KCNQ5: variants seen among roughly 807,000 people sequenced by gnomAD.
KCNQ5 encodes the protein potassium voltage-gated channel subfamily Q member 5.
Under a neutral mutation model 98.2 loss-of-function variants are expected in KCNQ5, and 30 were observed. The ratio of observed to expected loss-of-function variants is 0.31; its 90% confidence interval spans 0.23 to 0.41. KCNQ5 has a LOEUF of 0.41. Among genes scored for constraint, KCNQ5 ranks in the 10% least tolerant of loss-of-function variants. The pLI, the probability that KCNQ5 is intolerant of heterozygous loss-of-function variation, is 1.00. For missense variants in KCNQ5, 835 were observed against 1,182.5 expected, an observed-to-expected ratio of 0.71 and a Z score of 4.31; for synonymous variants, 458 against 449.4, an observed-to-expected ratio of 1.02 and a Z score of -0.24.
intron 1 of KCNQ5, among the ~76,000 whole-genome samples, chr6:72,659,684 C>T (rs561688281): frequency 4.6e-5 from 7 of 152,282 alleles, no homozygotes; most frequent in African/African-American, 1.7e-4. Flanking sequence ...TTCATAAGGT[C>T]ACTGAATCTT....
At chr6:73,153,054 C>T (rs1307316045) in intron 10 of KCNQ5, among the ~76,000 whole-genome samples, 1 of 152,100 alleles carries the variant, frequency 6.6e-6, no homozygotes, top group Non-Finnish European at 1.5e-5. Context: ...ACCATATGCC[C>T]AGGAGTCTGG....
chr6:72,830,288 C>G (rs1178547059), intron 1 of KCNQ5, among the ~76,000 whole-genome samples: 1 of 152,082 alleles, frequency 6.6e-6, no homozygotes, highest in Non-Finnish European at 1.5e-5. Context: ...CAATCCTAAG[C>G]CAAAAGAACA....
intron 1 of KCNQ5, among the ~76,000 whole-genome samples, chr6:72,683,282 A>C (rs1312284378): frequency 6.6e-6 from 1 of 151,924 alleles, no homozygotes; most frequent in African/African-American, 2.4e-5. Context: ...AGGAGGGAGA[A>C]ATCAGCACAC....
At chr6:72,954,026 T>A (rs1766930594) in intron 1 of KCNQ5, among the ~76,000 whole-genome samples, 1 of 152,190 alleles carries the variant, frequency 6.6e-6, no homozygotes, top group African/African-American at 2.4e-5. Context: ...CAAAAGGCTC[T>A]TGATACTTAA....
intron 11 of KCNQ5, among the ~76,000 whole-genome samples, chr6:73,175,076 C>G (rs754879311): frequency 1.3e-5 from 2 of 152,116 alleles, no homozygotes; most frequent in Non-Finnish European, 2.9e-5. Context: ...TCTCCTTCAC[C>G]TGGAAGCACT....
At chr6:73,052,792 A>C (rs1772303341) in intron 3 of KCNQ5, among the ~76,000 whole-genome samples, 1 of 152,254 alleles carries the variant, frequency 6.6e-6, no homozygotes, top group South Asian at 2.1e-4. Context: ...AACGTGCTTA[A>C]GTACACACAC....
intron 2 of KCNQ5, among the ~76,000 whole-genome samples, chr6:73,015,084 C>T (rs1201164964): frequency 3.3e-5 from 5 of 151,938 alleles, no homozygotes; most frequent in East Asian, 1.9e-4. Flanking sequence ...AGAATCCATT[C>T]GAGGATATTA....
At chr6:73,034,995 G>T (rs918260719) in intron 2 of KCNQ5, among the ~76,000 whole-genome samples, 1 of 150,048 alleles carries the variant, frequency 6.7e-6, no homozygotes, top group Non-Finnish European at 1.5e-5. Context: ...ACAGGCGCCC[G>T]CCACCACACC....
In KCNQ5 at chr6:72,820,817, C is replaced by G. The variant is rs140970168; in HGVS notation, c.399-183091C>G. Among the ~76,000 whole-genome samples the G allele has an allele frequency of 2.0e-5, 3 of 152,196 alleles. No individual in the cohort carries two copies. In the South Asian group the frequency reaches 6.2e-4, roughly 32 times the overall value. On this transcript the variant is annotated intron_variant, in intron 1 of 13. Coordinates refer to ENST00000370398, the MANE Select transcript of KCNQ5 (RefSeq NM_019842.4). ...AGCCTCAAAGCCATAACAACACATA[C>G]GGTGTTTATGAATTTAGGATTTTAC...
chr6:72,715,394 A>G (rs1261856883), intron 1 of KCNQ5, among the ~76,000 whole-genome samples: 3 of 152,192 alleles, frequency 2.0e-5, no homozygotes, highest in African/African-American at 7.2e-5. Context: ...TACCTTGCAA[A>G]CTTTGGCTGC....
At chr6:73,096,000 G>A (rs2150409757) in intron 5 of KCNQ5, among the ~76,000 whole-genome samples, 1 of 152,286 alleles carries the variant, frequency 6.6e-6, no homozygotes, top group African/African-American at 2.4e-5. Flanking sequence ...ACAAGATGAG[G>A]TCCCACAACA....
At chr6:72,758,124 C>T (rs982888833) in intron 1 of KCNQ5, among the ~76,000 whole-genome samples, 1 of 151,920 alleles carries the variant, frequency 6.6e-6, no homozygotes, top group Admixed American at 6.6e-5. Context: ...AGATGGAGAT[C>T]ATTGGAGGAG....
intron 1 of KCNQ5, among the ~76,000 whole-genome samples, chr6:72,719,180 G>A (rs533589036): frequency 2.7e-4 from 41 of 152,276 alleles, no homozygotes; most frequent in African/African-American, 6.5e-4. Flanking sequence ...CTGAATTCCC[G>A]TTCAGATATT....
intron 8 of KCNQ5, among the ~76,000 whole-genome samples, chr6:73,122,207 GCTAGGTA>G (rs1775776387): frequency 6.6e-6 from 1 of 152,164 alleles, no homozygotes. Flanking sequence ...CATGAAGTTT[GCTAGGTA>G]AATGTAAAAA....
intron 1 of KCNQ5, among the ~76,000 whole-genome samples, chr6:72,864,907 T>C (rs2796002): frequency 0.99 from 150,980 of 152,338 alleles, 74,833 homozygotes; most frequent in East Asian, 1. Flanking sequence ...ATTTCAAGGA[T>C]ATGGGAAAAC....
chr6:72,854,129 A>T (rs1436532681), intron 1 of KCNQ5, among the ~76,000 whole-genome samples: 1 of 152,144 alleles, frequency 6.6e-6, no homozygotes. Context: ...ATGCAACATT[A>T]CCTTTGAGAT....
At position 72,978,803 on chromosome 6, in the gene KCNQ5, T is replaced by A. The variant is rs1257499585; in HGVS notation, c.399-25105T>A. On this transcript the variant is annotated intron_variant, in intron 1 of 13. Transcript: ENST00000370398. ...TTAACTCGTCATTTACATTACATAT[T>A]TCTCCTAATGCTATCCCTCCCCCAT... is the stretch of plus-strand genomic sequence containing the variant. Among the ~76,000 whole-genome samples, 23 of 152,194 alleles carry A rather than the reference T, an allele frequency of 1.5e-4. No homozygotes were observed. In the East Asian group the frequency reaches 3.9e-3, roughly 26 times the overall value.
intron 1 of KCNQ5, among the ~76,000 whole-genome samples, chr6:72,955,448 C>G (rs149744124): frequency 4.2e-4 from 64 of 152,204 alleles, no homozygotes; most frequent in African/African-American, 1.4e-3. Flanking sequence ...TGTTCTTTTG[C>G]CTTTTAAATC....
At chr6:73,089,970 C>A (rs1774166855) in intron 5 of KCNQ5, among the ~76,000 whole-genome samples, 1 of 152,134 alleles carries the variant, frequency 6.6e-6, no homozygotes, top group South Asian at 2.1e-4. Flanking sequence ...ACTTTTAGTT[C>A]TTTAAGGAAT....
Sources: gnomAD v4.1 joint callset for allele counts (sites outside exome capture counted in the v4.1 genomes callset) on GRCh38, gnomAD v4.1.1 for gene constraint, MANE v1.5 for transcripts, NCBI Gene and HGNC (gene_info 2026-07-23, HGNC 2026-07-21) for gene names.